The following MIA2 variants were observed in gnomAD, a reference collection of about 807,000 sequenced individuals.
The protein encoded by MIA2 is melanoma inhibitory activity protein 2.
MIA2 carries 127 observed loss-of-function variants against 167.8 expected under a neutral mutation model. The observed-to-expected ratio is 0.76, with a 90% CI of 0.66 to 0.88. The LOEUF is 0.88. Among genes scored for constraint, MIA2 ranks in the 40% least tolerant of loss-of-function variants. MIA2 has a pLI of 0.00. For synonymous variants in MIA2, 552 were observed against 541.9 expected, an observed-to-expected ratio of 1.02 and a Z score of -0.26; for missense variants, 1,690 against 1,624.7, an observed-to-expected ratio of 1.04 and a Z score of -0.69.
At chr14:39,322,035 C>A (rs1327899418) in intron 24 of MIA2, among the ~76,000 whole-genome samples, 6 of 151,986 alleles carry the variant, frequency 3.9e-5, no homozygotes, top group Admixed American at 3.9e-4. Flanking sequence ...CCTCAGCCTC[C>A]CAAAGTGCTG....
intron 25 of MIA2, among the ~76,000 whole-genome samples, chr14:39,343,011 A>G (rs1172869155): frequency 2.9e-4 from 44 of 152,298 alleles, no homozygotes; most frequent in Non-Finnish European, 8.8e-5. Context: ...GTTGGTGAGC[A>G]TTTAGAGTGT....
intron 2 of MIA2, chr14:39,237,333 G>A: frequency 2.6e-6 from 1 of 382,646 alleles, no homozygotes. Context: ...TCACTCTGTT[G>A]CCCAGGCTGG....
chr14:39,364,537 C>T (rs554631299), intron 23 of MIA2, among the ~76,000 whole-genome samples: 2 of 148,628 alleles, frequency 1.3e-5, no homozygotes, highest in South Asian at 4.3e-4. Flanking sequence ...TTTGTATTTT[C>T]ATGGTGATAG....
At chr14:39,297,796 T>C (rs1182471247) in intron 13 of MIA2, among the ~76,000 whole-genome samples, 2 of 152,068 alleles carry the variant, frequency 1.3e-5, no homozygotes, top group African/African-American at 4.8e-5. Context: ...CCAACTGCTT[T>C]TTATACAGAC....
intron 24 of MIA2, among the ~76,000 whole-genome samples, chr14:39,321,471 GC>G (rs1229528760): frequency 2.7e-5 from 4 of 150,198 alleles, no homozygotes; most frequent in African/African-American, 9.8e-5. Context: ...CCGCCACCAT[GC>G]CCGGCTAATT....
intron 6 of MIA2, among the ~76,000 whole-genome samples, chr14:39,263,897 G>A (rs1784548926): frequency 6.6e-6 from 1 of 152,186 alleles, no homozygotes; most frequent in South Asian, 2.1e-4. Context: ...GCCTCCCAAA[G>A]TGCTGGGATT....
rs67380839 is a variant in MIA2 at position 39,275,139 on chromosome 14, T to TTGTGTGTGTGTGTGTGTGTGTGTGTG, written c.1888-1793_1888-1768dup. Among the ~76,000 whole-genome samples the TTGTGTGTGTGTGTGTGTGTGTGTGTG allele has an allele frequency of 5.1e-3, 640 of 126,680 alleles. 9 individuals are homozygous for TTGTGTGTGTGTGTGTGTGTGTGTGTG. The highest frequency in any genetic ancestry group is 7.4e-3 in the African/African-American group (247 of 33,160). 83.1% of individuals were successfully genotyped at this position (126,680 alleles called of 152,430 possible). ...TTAATTTCCATGTTTCCTTAATCCT[T>TTGTGTGTGTGTGTGTGTGTGTGTGTG]TGTGTGTGTGTGTGTGTGTGTGTGT... On this transcript the variant is annotated intron_variant, in intron 6 of 28. Transcript: ENST00000640607.
intron 2 of MIA2, among the ~76,000 whole-genome samples, chr14:39,238,029 T>C (rs1247374629): frequency 6.6e-6 from 1 of 152,058 alleles, no homozygotes; most frequent in Non-Finnish European, 1.5e-5. Context: ...CGTGAGCCAC[T>C]GCGCCCTGCC....
rs1469822565 is a variant in MIA2 at position 39,252,903 on chromosome 14, C to T, written c.1723C>T (p.Leu575=). Residue 575 remains leucine, a synonymous_variant, in exon 5 of 29, where the codon CTA becomes TTA. Transcript: ENST00000640607. ...AGACAGATCTGTGGAAAATACCCTGCTAAATAGTCAGATGGTTTCAACTGA... is the reference window on the plus strand; with the variant it reads ...AGACAGATCTGTGGAAAATACCCTGTTAAATAGTCAGATGGTTTCAACTGA... The part of the protein sequence containing the change: ...EIDRSVENTL[L]NSQMVSTDNS... 1 of 1,613,734 alleles carries T rather than the reference C, an allele frequency of 6.2e-7. No homozygotes were observed. Among genetic ancestry groups the T allele is most frequent in the African/African-American group, 1.3e-5 (1 of 74,906 alleles).
At chr14:39,378,197 A>G (rs1449184921) in intron 23 of MIA2, among the ~76,000 whole-genome samples, 1 of 152,246 alleles carries the variant, frequency 6.6e-6, no homozygotes, top group Non-Finnish European at 1.5e-5. Flanking sequence ...AATTGTTAAA[A>G]GCTGCAAATA....
At chr14:39,337,586 G>T (rs924569371) in intron 25 of MIA2, among the ~76,000 whole-genome samples, 12 of 152,142 alleles carry the variant, frequency 7.9e-5, no homozygotes, top group African/African-American at 2.7e-4. Flanking sequence ...TATACAGTAT[G>T]TTCTTTGATC....
chr14:39,383,730 T>C (rs1402271195), intron 23 of MIA2, among the ~76,000 whole-genome samples: 1 of 152,200 alleles, frequency 6.6e-6, no homozygotes, highest in Non-Finnish European at 1.5e-5. Flanking sequence ...ATGGCCTTAT[T>C]GTTGATATGG....
chr14:39,311,016 G>T (rs969537277), intron 18 of MIA2, among the ~76,000 whole-genome samples: 1 of 151,986 alleles, frequency 6.6e-6, no homozygotes, highest in Non-Finnish European at 1.5e-5. Context: ...ATTTTTGAGT[G>T]TATCTTTTGA....
At chr14:39,242,435 G>A (rs973895970) in intron 3 of MIA2, among the ~76,000 whole-genome samples, 1 of 151,128 alleles carries the variant, frequency 6.6e-6, no homozygotes, top group African/African-American at 2.4e-5. Context: ...TGATTCTCCT[G>A]CCTCAGCCTT....
chr14:39,325,146 C>G (rs998642937), intron 24 of MIA2, among the ~76,000 whole-genome samples: 1 of 151,860 alleles, frequency 6.6e-6, no homozygotes, highest in Admixed American at 6.6e-5. Context: ...TTGCTTGAGC[C>G]TAGGAGGCGG....
intron 24 of MIA2, among the ~76,000 whole-genome samples, chr14:39,326,412 A>T (rs936173503): frequency 6.6e-6 from 1 of 152,142 alleles, no homozygotes; most frequent in African/African-American, 2.4e-5. Context: ...TAACTTTGAG[A>T]TGCAGTTTTT....
chr14:39,257,933 G>A (rs893029552), intron 6 of MIA2, among the ~76,000 whole-genome samples: 3 of 152,204 alleles, frequency 2.0e-5, no homozygotes, highest in Non-Finnish European at 2.9e-5. Context: ...CTGGCTTATA[G>A]GATTTCTGCA....
Position 39,288,456 on chromosome 14 carries a change from TATATA to T in MIA2, c.2131-2562_2131-2558del, listed in dbSNP as rs1566747536. Among the ~76,000 whole-genome samples, 89 of 14,342 alleles carry T rather than the reference TATATA, an allele frequency of 6.2e-3. 10 individuals carry two copies. The highest frequency in any genetic ancestry group is 9.5e-3 in the African/African-American group (51 of 5,396). The allele number at this position is 14,342 out of a possible 152,430, so 9.4% of individuals were successfully genotyped here. ...ACATATATATATATATATATATATA[TATATA>T]TATATATATATATATTTTTTTTTTT... On this transcript the variant is annotated intron_variant, in intron 9 of 28. Coordinates refer to ENST00000640607, the MANE Select transcript of MIA2 (RefSeq NM_001329214.4).
chr14:39,373,839 TA>T (rs992940797), intron 23 of MIA2, among the ~76,000 whole-genome samples: 25 of 151,578 alleles, frequency 1.6e-4, no homozygotes, highest in Admixed American at 5.9e-4. Context: ...AAATAAAAAA[TA>T]AAAAATGAGA....
Sources: allele counts gnomAD v4.1 joint callset (sites outside exome capture counted in the v4.1 genomes callset), GRCh38; gene constraint gnomAD v4.1.1; transcripts MANE v1.5; gene names NCBI Gene and HGNC (gene_info 2026-07-23, HGNC 2026-07-21).